MIDN: variants seen among roughly 807,000 people sequenced by gnomAD.
MIDN encodes the protein midbrain nucleolar protein.
MIDN carries 26 observed loss-of-function variants against 46.1 expected under a neutral mutation model. The observed-to-expected ratio is 0.56, with a 90% CI of 0.41 to 0.78. The LOEUF (loss-of-function observed/expected upper bound fraction) is 0.78, where lower values mean the gene tolerates loss of function less well. Among genes scored for constraint, MIDN ranks in the 30% least tolerant of loss-of-function variants. The pLI is 0.00. For missense variants in MIDN, 850 were observed against 771.8 expected (o/e 1.10, Z -1.20); for synonymous variants, 432 against 343.3 (o/e 1.26, Z -2.86).
Position 1,256,999 on chromosome 19 carries a change from C to T in MIDN, c.1263C>T (p.Asp421=), listed in dbSNP as rs9823. The T allele has an allele frequency of 0.34, 544,917 of 1,608,546 alleles. 95,154 individuals carry two copies. Among genetic ancestry groups the T allele is most frequent in the East Asian group, 0.45 (20,274 of 44,870 alleles). ...AGGCCACTACCTCCTTTGCAGGGGA[C>T]CGGCTTCGGCAGACAGAAAACCGCG... is the stretch of plus-strand genomic sequence containing the variant. ...SQIRMCKPPG[D]RLRQTENRAT... is the part of the protein sequence containing the mutation. The change falls in exon 9 of 9, where the codon GAC becomes GAT. Residue 421 remains aspartate, a synonymous_variant. Coordinates refer to ENST00000682408, the MANE Select transcript of MIDN (RefSeq NM_001388306.1).
Position 1,250,254 on chromosome 19 carries a change from T to G in MIDN, c.-43T>G. On this transcript the variant is annotated 5_prime_UTR_variant, in exon 2 of 9. Transcript: ENST00000682408. ...CCCTGTCCCGGAGGCGCGGCGAGGA[T>G]TGGCGGCGCCCGCCGCCCCCAGCCC... The G allele has an allele frequency of 1.1e-5, 9 of 840,574 alleles. No homozygotes were observed. The highest frequency in any genetic ancestry group is 1.1e-5 in the Non-Finnish European group (8 of 699,152). 52.1% of individuals were successfully genotyped at this position (840,574 alleles called of 1,614,324 possible).
In MIDN at chr19:1,250,257, G is replaced by A. The variant is rs1171175533; in HGVS notation, c.-40G>A. ...TGTCCCGGAGGCGCGGCGAGGATTGGCGGCGCCCGCCGCCCCCAGCCCCCC... is the reference window on the plus strand; with the variant it reads ...TGTCCCGGAGGCGCGGCGAGGATTGACGGCGCCCGCCGCCCCCAGCCCCCC... On this transcript the variant is annotated 5_prime_UTR_variant, in exon 2 of 9. Coordinates refer to ENST00000682408, the MANE Select transcript of MIDN (RefSeq NM_001388306.1). 16 of 883,150 alleles carry A rather than the reference G, an allele frequency of 1.8e-5. No individual in the cohort carries two copies. The highest frequency in any genetic ancestry group is 1.1e-4 in the African/African-American group (6 of 55,060). 54.7% of individuals were successfully genotyped at this position (883,150 alleles called of 1,614,324 possible).
Position 1,257,147 on chromosome 19 carries a change from G to A in MIDN, c.1411G>A (p.Asp471Asn), listed in dbSNP as rs539586624. The A allele has an allele frequency of 1.2e-5, 19 of 1,611,492 alleles. No homozygotes were observed. The highest frequency in any genetic ancestry group is 4.4e-5 in the South Asian group (4 of 91,022). ...ACCCAGCCGCAAGGCCGGCCGCAGC[G>A]ACAGCAGTAGCAGCGGGGGCGGCGG... is the stretch of plus-strand genomic sequence containing the variant. ...WSPSRKAGRS[D>N]SSSSGGGGSP... Residue 471 changes from aspartate (D) to asparagine (N), a missense_variant, in exon 9 of 9, where the codon GAC (aspartate) becomes AAC (asparagine). Transcript: ENST00000682408.
rs1237556032 is a variant in MIDN, at chr19:1,258,212, G to A, written c.*940G>A. On this transcript the variant is annotated 3_prime_UTR_variant, in exon 9 of 9. Transcript: ENST00000682408. Reference sequence around the variant, plus strand: ...TTGAAAAAGGGGAGAGAATGGCTGGGTGCTGGGGAGTTCCCCCCTCCGAGC... The same window carrying A: ...TTGAAAAAGGGGAGAGAATGGCTGGATGCTGGGGAGTTCCCCCCTCCGAGC... The A allele has an allele frequency of 6.6e-6, 1 of 152,650 alleles. No individual in the cohort carries two copies. The highest frequency in any genetic ancestry group is 1.5e-5 in the Non-Finnish European group (1 of 68,102). 9.5% of individuals were successfully genotyped at this position (152,650 alleles called of 1,614,324 possible). A position where few individuals can be genotyped will look rare whatever the true frequency, so the allele number is the denominator to read the frequency against.
intron 8 of MIDN, among the ~76,000 whole-genome samples, chr19:1,256,529 C>G (rs551294582): frequency 6.6e-6 from 1 of 151,782 alleles, no homozygotes; most frequent in African/African-American, 2.4e-5. Context: ...TATCTCCCCT[C>G]GGATCACAGA....
At chr19:1,249,492 C>G (rs1399687533) in intron 1 of MIDN, among the ~76,000 whole-genome samples, 1 of 149,892 alleles carries the variant, frequency 6.7e-6, no homozygotes, top group Non-Finnish European at 1.5e-5. Flanking sequence ...CGGCCGCTCC[C>G]TTGGGATCGC....
rs1555750569 is a variant in MIDN, at chr19:1,257,517, T to TTCGTCC, written c.*247_*248insGTCCTC. On this transcript the variant is annotated 3_prime_UTR_variant, in exon 9 of 9. Coordinates refer to ENST00000682408, the MANE Select transcript of MIDN (RefSeq NM_001388306.1). Reference sequence around the variant, plus strand: ...TTCACCCTTCACTCCTGCCCTCCTCTTCCTCCTCCTCCTCCTCCTCCGTCT... The same window carrying TTCGTCC: ...TTCACCCTTCACTCCTGCCCTCCTCTTCGTCCTCCTCCTCCTCCTCCTCCTCCGTCT... 5.2e-5 allele frequency: 21 copies of TTCGTCC among 406,704 alleles called. No homozygotes were observed. Among genetic ancestry groups the TTCGTCC allele is most frequent in the Middle Eastern group, 5.5e-4 (1 of 1,832 alleles). 25.2% of individuals were successfully genotyped at this position (406,704 alleles called of 1,614,324 possible). A position where few individuals can be genotyped will look rare whatever the true frequency, so the allele number is the denominator to read the frequency against.
chr19:1,251,339 T>G, intron 2 of MIDN: 1 of 535,120 alleles, frequency 1.9e-6, no homozygotes, highest in Non-Finnish European at 3.3e-6. Flanking sequence ...AGGGCGGGGG[T>G]TCCACTGGAG....
At chr19:1,252,270 G>A (rs1392663635) in intron 4 of MIDN, among the ~76,000 whole-genome samples, 2 of 152,162 alleles carry the variant, frequency 1.3e-5, no homozygotes, top group South Asian at 2.1e-4. Flanking sequence ...TCCCCAGAGC[G>A]AGTTTCTCCT....
At position 1,254,399 on chromosome 19, in the gene MIDN, C is replaced by T. The variant is rs556584144; in HGVS notation, c.746C>T (p.Thr249Ile). The T allele has an allele frequency of 1.3e-6, 2 of 1,563,112 alleles. No homozygotes were observed. Among genetic ancestry groups the T allele is most frequent in the Non-Finnish European group, 1.7e-6 (2 of 1,161,378 alleles). Reference protein sequence around the residue: ...SSAARVPPVPTSPSPASPSPI... With the variant: ...SSAARVPPVPISPSPASPSPI... ...GCCGCCCGAGTCCCCCCGGTGCCCA[C>T]CAGCCCGTCCCCTGCATCTCCCTCG... Residue 249 changes from threonine (T) to isoleucine (I), a missense_variant, in exon 6 of 9, where the codon ACC (threonine) becomes ATC (isoleucine). Transcript: ENST00000682408.
chr19:1,251,548 C>G lies in MIDN; in HGVS notation c.234-14C>G, dbSNP rs562617284. The stretch of plus-strand genomic sequence containing the variant: ...GTCTCCGCGGAGTCTCATGCTCTTC[C>G]TTCCTCCCCCCAGCCGGCTCAGTTC... On this transcript the variant is annotated splice_polypyrimidine_tract_variant and intron_variant, in intron 2 of 8. Coordinates refer to ENST00000682408, the MANE Select transcript of MIDN (RefSeq NM_001388306.1). The G allele has an allele frequency of 1.2e-6, 2 of 1,606,854 alleles. No homozygotes were observed. Among genetic ancestry groups the G allele is most frequent in the Non-Finnish European group, 1.7e-6 (2 of 1,177,654 alleles).
rs1316815874 is a variant in MIDN at position 1,258,665 on chromosome 19, G to T, written c.*1393G>T. 7.1e-6 allele frequency: 1 copy of T among 141,492 alleles called. No homozygotes were observed. The highest frequency in any genetic ancestry group is 1.6e-5 in the Non-Finnish European group (1 of 64,478). 8.8% of individuals were successfully genotyped at this position (141,492 alleles called of 1,614,324 possible). ...CCCCCTTTATGTGTTGAAAGTTAAT[G>T]GTTTCAGATGTGAACATCACGTGTT... On this transcript the variant is annotated 3_prime_UTR_variant, in exon 9 of 9. Coordinates refer to ENST00000682408, the MANE Select transcript of MIDN (RefSeq NM_001388306.1).
At chr19:1,250,643 C>A in intron 2 of MIDN, 114 bp downstream of exon 2, 1 of 408,110 alleles carries the variant, frequency 2.5e-6, no homozygotes, top group Non-Finnish European at 3.5e-6. Flanking sequence ...GGCGGGGGCG[C>A]GCCGCGCGCT....
At chr19:1,255,129 C>T (rs1165830595) in intron 7 of MIDN, 68 bp downstream of exon 7, 6 of 1,526,016 alleles carry the variant, frequency 3.9e-6, no homozygotes, top group Non-Finnish European at 5.4e-6. Flanking sequence ...GGTCTACATC[C>T]ACCCACAGGC....
chr19:1,252,035 G>T, intron 4 of MIDN, 134 bp downstream of exon 4: 1 of 720,604 alleles, frequency 1.4e-6, no homozygotes, highest in Non-Finnish European at 2.4e-6. Context: ...CCGCCTGGGT[G>T]CCAGCCTGGC....
Position 1,250,548 on chromosome 19 carries a change from C to G in MIDN, c.233+19C>G. ...AAGACACGTAGGTACCGCGCGCCCCCGGCCGGCCGCCCCCTCGGGCCCCGG... is the reference window on the plus strand; with the variant it reads ...AAGACACGTAGGTACCGCGCGCCCCGGGCCGGCCGCCCCCTCGGGCCCCGG... On this transcript the variant is annotated intron_variant, in intron 2 of 8. Transcript: ENST00000682408. 2 of 1,174,866 alleles carry G rather than the reference C, an allele frequency of 1.7e-6. No individual in the cohort carries two copies. The highest frequency in any genetic ancestry group is 2.1e-6 in the Non-Finnish European group (2 of 931,742). The allele number at this position is 1,174,866 out of a possible 1,614,324, so 72.8% of individuals were successfully genotyped here. A position where few individuals can be genotyped will look rare whatever the true frequency, so the allele number is the denominator to read the frequency against.
At position 1,257,561 on chromosome 19, in the gene MIDN, G is replaced by T. The variant is rs974897578; in HGVS notation, c.*289G>T. 2.2e-5 allele frequency: 8 copies of T among 366,848 alleles called. No homozygotes were observed. Among genetic ancestry groups the T allele is most frequent in the Non-Finnish European group, 3.9e-5 (8 of 204,474 alleles). The allele number at this position is 366,848 out of a possible 1,614,324, so 22.7% of individuals were successfully genotyped here. A position where few individuals can be genotyped will look rare whatever the true frequency, so the allele number is the denominator to read the frequency against. ...TCCGTCTGTCTCCTTTCACCTCTGC[G>T]CCAGGTCGGTCCTCCCTGCCAACCT... On this transcript the variant is annotated 3_prime_UTR_variant, in exon 9 of 9. Coordinates refer to ENST00000682408, the MANE Select transcript of MIDN (RefSeq NM_001388306.1).
rs61744735 is a variant in MIDN, at chr19:1,251,565, G to A, written c.237G>A (p.Arg79=). 1,888 of 1,607,018 alleles carry A rather than the reference G, an allele frequency of 1.2e-3. 11 individuals are homozygous for A. The Middle Eastern group carries it at 0.021, about 18-fold the overall frequency. ...ERLALLHKDT[R]LSSGKLQEFG... ...TGCTCTTCCTTCCTCCCCCCAGCCGGCTCAGTTCGGGGAAGCTGCAGGAGT... is the reference window on the plus strand; with the variant it reads ...TGCTCTTCCTTCCTCCCCCCAGCCGACTCAGTTCGGGGAAGCTGCAGGAGT... Residue 79 remains arginine (R), a synonymous_variant, in exon 3 of 9, where the codon CGG becomes CGA. Transcript: ENST00000682408.
In MIDN at chr19:1,250,441, C is replaced by T; in HGVS notation, c.145C>T (p.Pro49Ser). The change falls in exon 2 of 9, where the codon CCC (proline) becomes TCC (serine). Residue 49 changes from proline to serine, a missense_variant. By Grantham distance (74) the Pro-to-Ser change is moderately conservative. Transcript: ENST00000682408. Reference protein sequence around the residue: ...TGTRYDLAVPPDETVEGLRKR... With the variant: ...TGTRYDLAVPSDETVEGLRKR... ...CACCCGCTACGACCTGGCCGTGCCGCCCGACGAGACGGTGGAGGGGCTGCG... is the reference window on the plus strand; with the variant it reads ...CACCCGCTACGACCTGGCCGTGCCGTCCGACGAGACGGTGGAGGGGCTGCG... 1 of 1,386,060 alleles carries T rather than the reference C, an allele frequency of 7.2e-7. No individual in the cohort carries two copies. The highest frequency in any genetic ancestry group is 9.5e-7 in the Non-Finnish European group (1 of 1,048,030). The allele number at this position is 1,386,060 out of a possible 1,614,324, so 85.9% of individuals were successfully genotyped here. A position where few individuals can be genotyped will look rare whatever the true frequency, so the allele number is the denominator to read the frequency against.
Sources: gnomAD v4.1 joint callset for allele counts (sites outside exome capture counted in the v4.1 genomes callset) on GRCh38, gnomAD v4.1.1 for gene constraint, MANE v1.5 for transcripts, NCBI Gene and HGNC (gene_info 2026-07-23, HGNC 2026-07-21) for gene names.